Variants in CDH20 observed in about 807,000 individuals in gnomAD.
The protein encoded by CDH20 is cadherin 20, also known as cadherin-20.
A neutral mutation model predicts 74.2 loss-of-function variants in CDH20; 29 were observed. The ratio of observed to expected loss-of-function variants is 0.39; its 90% CI spans 0.29 to 0.53. The LOEUF (loss-of-function observed/expected upper bound fraction) is 0.53, where lower values mean the gene tolerates loss of function less well. CDH20 is among the 20% of genes least tolerant of loss of function. CDH20 has a pLI of 0.69. For synonymous variants in CDH20, 469 were observed against 405.4 expected (o/e 1.16, Z -1.88); for missense variants, 988 against 1,048.3 (o/e 0.94, Z 0.79).
chr18:61,519,801 G>GC (rs1441915224), intron 6 of CDH20, among the ~76,000 whole-genome samples: 2 of 150,876 alleles, frequency 1.3e-5, no homozygotes. Context: ...CAGGCTAAAT[G>GC]CCCCAATTAA....
intron 1 of CDH20, among the ~76,000 whole-genome samples, chr18:61,397,365 C>T (rs1282090878): frequency 1.3e-5 from 2 of 152,128 alleles, no homozygotes; most frequent in Non-Finnish European, 2.9e-5. Context: ...GCCTGGCCTA[C>T]CCACTCCTGA....
intron 1 of CDH20, among the ~76,000 whole-genome samples, chr18:61,431,935 A>G (rs1913269386): frequency 6.6e-6 from 1 of 151,986 alleles, no homozygotes; most frequent in South Asian, 2.1e-4. Context: ...AACGCTTTGT[A>G]TTTAGAAAGA....
intron 6 of CDH20, 104 bp from the exon 7 acceptor site, chr18:61,527,863 G>A (rs1174405095): frequency 2.8e-6 from 3 of 1,070,518 alleles, no homozygotes; most frequent in South Asian, 3.0e-5. Flanking sequence ...ATGAATTGGA[G>A]AATCTTCCCA....
Position 61,469,844 on chromosome 18 carries a change from C to A in CDH20, c.-152-20558C>A, listed in dbSNP as rs1028200691. ...ATACATACACACATGCTTACTACAC[C>A]GAACACGGGGAGAGGGATGTAGGTA... On this transcript the variant is annotated intron_variant, in intron 1 of 11. Coordinates refer to ENST00000262717, the MANE Select transcript of CDH20 (RefSeq NM_031891.4). 2.0e-5 allele frequency among the ~76,000 whole-genome samples: 3 copies of A among 152,192 alleles called. No homozygotes were observed. In the South Asian group the frequency reaches 6.2e-4, roughly 32 times the overall value.
intron 11 of CDH20, 109 bp from the exon 12 acceptor site, chr18:61,554,081 T>C: frequency 2.2e-6 from 3 of 1,338,612 alleles, no homozygotes; most frequent in South Asian, 1.4e-5. Flanking sequence ...CTCTGAGCCC[T>C]CCACTCGGTA....
intron 4 of CDH20, among the ~76,000 whole-genome samples, chr18:61,501,563 C>G (rs923105120): frequency 1.3e-5 from 2 of 152,136 alleles, no homozygotes; most frequent in African/African-American, 4.8e-5. Flanking sequence ...GGTGAACACT[C>G]AAAGTCACCT....
chr18:61,462,859 T>C (rs76285033), intron 1 of CDH20, among the ~76,000 whole-genome samples: 1,625 of 152,180 alleles, frequency 0.011, 32 homozygotes, highest in African/African-American at 0.036. Flanking sequence ...GTTCAAAAGG[T>C]TCCTCAGGGG....
intron 1 of CDH20, among the ~76,000 whole-genome samples, chr18:61,405,628 CA>C (rs1912306187): frequency 6.6e-6 from 1 of 152,064 alleles, no homozygotes; most frequent in Non-Finnish European, 1.5e-5. Flanking sequence ...CTATTATAAA[CA>C]AATTCCATCA....
chr18:61,350,085 G>A (rs187030705), intron 1 of CDH20, among the ~76,000 whole-genome samples: 42 of 152,096 alleles, frequency 2.8e-4, no homozygotes, highest in Admixed American at 1.5e-3. Context: ...ACTCCATGCC[G>A]TTGCTCCTGC....
intron 6 of CDH20, among the ~76,000 whole-genome samples, chr18:61,525,790 A>G (rs766638479): frequency 3.3e-5 from 5 of 152,166 alleles, no homozygotes; most frequent in African/African-American, 1.2e-4. Flanking sequence ...GAAAATATGT[A>G]CATCTATTAT....
At chr18:61,338,416 A>G (rs1909830787) in intron 1 of CDH20, among the ~76,000 whole-genome samples, 1 of 152,132 alleles carries the variant, frequency 6.6e-6, no homozygotes, top group South Asian at 2.1e-4. Flanking sequence ...TTACATATGG[A>G]TTAACTTAAT....
chr18:61,534,495 A>C (rs2144383562), intron 7 of CDH20, among the ~76,000 whole-genome samples: 1 of 152,368 alleles, frequency 6.6e-6, no homozygotes, highest in African/African-American at 2.4e-5. Context: ...CCATCAACAG[A>C]TGAATGGGTA....
intron 1 of CDH20, among the ~76,000 whole-genome samples, chr18:61,379,187 G>T (rs1345749204): frequency 6.6e-6 from 1 of 152,150 alleles, no homozygotes; most frequent in African/African-American, 2.4e-5. Flanking sequence ...AATTACCGCA[G>T]AAGAGTGGCT....
intron 1 of CDH20, among the ~76,000 whole-genome samples, chr18:61,475,085 G>A (rs1910321064): frequency 6.6e-6 from 1 of 151,952 alleles, no homozygotes. Context: ...GCAGGTGAGT[G>A]GTCCGATAAG....
At chr18:61,398,504 C>A (rs933360523) in intron 1 of CDH20, among the ~76,000 whole-genome samples, 1 of 152,028 alleles carries the variant, frequency 6.6e-6, no homozygotes, top group Non-Finnish European at 1.5e-5. Flanking sequence ...TCTGAAAAAC[C>A]TTTCTGCTGA....
intron 6 of CDH20, among the ~76,000 whole-genome samples, chr18:61,524,332 T>A (rs1912312086): frequency 6.6e-6 from 1 of 152,158 alleles, no homozygotes; most frequent in East Asian, 1.9e-4. Flanking sequence ...GACTAGAGCT[T>A]TCATATACTC....
chr18:61,438,047 A>T (rs1908894321), intron 1 of CDH20, among the ~76,000 whole-genome samples: 1 of 152,186 alleles, frequency 6.6e-6, no homozygotes, highest in Non-Finnish European at 1.5e-5. Context: ...GAGGCTAGAA[A>T]GTGAGATCAA....
At chr18:61,359,838 C>A (rs1253503075) in intron 1 of CDH20, among the ~76,000 whole-genome samples, 1 of 152,176 alleles carries the variant, frequency 6.6e-6, no homozygotes, top group African/African-American at 2.4e-5. Flanking sequence ...TCTTCTGCAG[C>A]CTATACTGTG....
intron 1 of CDH20, among the ~76,000 whole-genome samples, chr18:61,418,668 G>T (rs933844676): frequency 6.0e-5 from 9 of 151,174 alleles, no homozygotes; most frequent in African/African-American, 1.7e-4. Context: ...AAGTTTTCCA[G>T]GTATAAAGGC....
Sources: gnomAD v4.1 joint callset for allele counts (sites outside exome capture counted in the v4.1 genomes callset) on GRCh38, gnomAD v4.1.1 for gene constraint, MANE v1.5 for transcripts, NCBI Gene and HGNC (gene_info 2026-07-23, HGNC 2026-07-21) for gene names.